The following AGTR1 variants were observed in gnomAD, a reference collection of about 807,000 sequenced individuals.
The protein encoded by AGTR1 is angiotensin II receptor type 1, also known as type-1 angiotensin II receptor.
In AGTR1, 16 loss-of-function variants were observed where a neutral mutation model predicts 19.4. The observed-to-expected ratio is 0.82, with a 90% confidence interval of 0.56 to 1.25. The LOEUF is 1.25. Ranked by LOEUF, AGTR1 falls within the 50% of genes most tolerant of loss-of-function variation. The probability of loss-of-function intolerance (pLI) is 0.00; values close to 1 mark genes in which losing one functional copy is unlikely to be tolerated. For synonymous variants in AGTR1, 153 were observed against 154.9 expected, an observed-to-expected ratio of 0.99 and a Z score of 0.09; for missense variants, 373 against 431.9, an observed-to-expected ratio of 0.86 and a Z score of 1.21.
intron 2 of AGTR1, among the ~76,000 whole-genome samples, chr3:148,724,954 C>CA (rs1414266627): frequency 1.3e-5 from 2 of 152,046 alleles, no homozygotes; most frequent in Admixed American, 6.5e-5. Flanking sequence ...ATTCTGAGTA[C>CA]AAAAAATATT....
chr3:148,734,561 A>T (rs1295505716), intron 2 of AGTR1, among the ~76,000 whole-genome samples: 1 of 152,222 alleles, frequency 6.6e-6, no homozygotes, highest in Non-Finnish European at 1.5e-5. Context: ...GATCTTAAGT[A>T]CTTAATTAGA....
chr3:148,713,535 G>A (rs1308968763), intron 2 of AGTR1, among the ~76,000 whole-genome samples: 1 of 152,136 alleles, frequency 6.6e-6, no homozygotes, highest in Non-Finnish European at 1.5e-5. Context: ...GAGGACCCAA[G>A]AGGAACCATT....
At chr3:148,719,261 T>C (rs1484531641) in intron 2 of AGTR1, among the ~76,000 whole-genome samples, 1 of 151,476 alleles carries the variant, frequency 6.6e-6, no homozygotes, top group Non-Finnish European at 1.5e-5. Flanking sequence ...TAGTTAAAAT[T>C]ATTCAGATGA....
chr3:148,718,618 A>C (rs1308374414), intron 2 of AGTR1, among the ~76,000 whole-genome samples: 1 of 152,216 alleles, frequency 6.6e-6, no homozygotes, highest in African/African-American at 2.4e-5. Context: ...CTCATGCATT[A>C]GTTTATAAAA....
chr3:148,733,076 G>T (rs1489092995), intron 2 of AGTR1, among the ~76,000 whole-genome samples: 1 of 152,058 alleles, frequency 6.6e-6, no homozygotes, highest in Non-Finnish European at 1.5e-5. Context: ...AACTCCCCGA[G>T]GATACAGGGG....
chr3:148,708,444 C>T (rs1712796806), intron 2 of AGTR1, among the ~76,000 whole-genome samples: 1 of 152,116 alleles, frequency 6.6e-6, no homozygotes, highest in Non-Finnish European at 1.5e-5. Flanking sequence ...TGCTCACTTT[C>T]GGAAGTGTTA....
At position 148,742,432 on chromosome 3, in the gene AGTR1, G is replaced by T; in HGVS notation, c.*317G>T. The T allele has an allele frequency of 2.3e-6, 1 of 435,404 alleles. No individual in the cohort carries two copies. Among genetic ancestry groups the T allele is most frequent in the Non-Finnish European group, 4.4e-6 (1 of 225,366 alleles). 27.0% of individuals were successfully genotyped at this position (435,404 alleles called of 1,614,324 possible). A position where few individuals can be genotyped will look rare whatever the true frequency, so the allele number is the denominator to read the frequency against. Reference sequence around the variant, plus strand: ...AATCTCCCTAGCCTGCTTTTGTCCTGTTATTTTTTATTTCCACATAAAGGT... The same window carrying T: ...AATCTCCCTAGCCTGCTTTTGTCCTTTTATTTTTTATTTCCACATAAAGGT... On this transcript the variant is annotated 3_prime_UTR_variant, in exon 3 of 3. Transcript: ENST00000349243.
At chr3:148,731,125 G>A (rs1330815483) in intron 2 of AGTR1, 2 of 152,068 alleles carry the variant, frequency 1.3e-5, no homozygotes, top group African/African-American at 2.4e-5. Flanking sequence ...CTTTTTACAT[G>A]TCAAATGTTT....
At chr3:148,706,420 A>G (rs542777717) in intron 1 of AGTR1, among the ~76,000 whole-genome samples, 2 of 152,148 alleles carry the variant, frequency 1.3e-5, no homozygotes, top group Non-Finnish European at 2.9e-5. Context: ...AAATTAACCT[A>G]TATACAATCT....
At chr3:148,701,979 T>A (rs1394554576) in intron 1 of AGTR1, among the ~76,000 whole-genome samples, 1 of 143,932 alleles carries the variant, frequency 6.9e-6, no homozygotes, top group East Asian at 2.0e-4. Flanking sequence ...TTGTGTACCT[T>A]TTTTTTTTTT....
Position 148,708,786 on chromosome 3 carries a change from C to G in AGTR1, c.-48+759C>G, listed in dbSNP as rs12721316. 6.5e-3 allele frequency among the ~76,000 whole-genome samples: 992 copies of G among 152,314 alleles called. 2 individuals carry two copies. The highest frequency in any genetic ancestry group is 0.011 in the Non-Finnish European group (779 of 68,026). On this transcript the variant is annotated intron_variant, in intron 2 of 2. Transcript: ENST00000349243. The stretch of plus-strand genomic sequence containing the variant: ...TAAGATTTCCCCACGCCCCTCCTTA[C>G]AAAAACTCAGTTCAAAGAACAAGCC...
intron 2 of AGTR1, among the ~76,000 whole-genome samples, chr3:148,719,375 C>T (rs1458981099): frequency 6.6e-6 from 1 of 152,144 alleles, no homozygotes; most frequent in Non-Finnish European, 1.5e-5. Context: ...TCTAAATAAG[C>T]AAAAACTCTC....
rs5189 is a variant in AGTR1, at chr3:148,742,552, G to T, written c.*437G>T. 0.065 allele frequency: 20,450 copies of T among 317,050 alleles called. 902 individuals are homozygous for T. The highest frequency in any genetic ancestry group is 0.14 in the African/African-American group (6,417 of 44,862). The allele number at this position is 317,050 out of a possible 1,614,324, so 19.6% of individuals were successfully genotyped here. ...CAAAGGGCAGTAAAGTTTTCGTGCC[G>T]GTTTTCAGCTATTAGCAACTGTGCT... On this transcript the variant is annotated 3_prime_UTR_variant, in exon 3 of 3. Transcript: ENST00000349243.
chr3:148,704,447 T>C (rs1712553618), intron 1 of AGTR1, among the ~76,000 whole-genome samples: 1 of 152,158 alleles, frequency 6.6e-6, no homozygotes, highest in South Asian at 2.1e-4. Context: ...TACTTTTTGG[T>C]GCTCTCATGC....
intron 2 of AGTR1, among the ~76,000 whole-genome samples, chr3:148,726,296 C>A (rs368617663): frequency 1.3e-5 from 2 of 152,060 alleles, no homozygotes; most frequent in African/African-American, 4.8e-5. Context: ...GCAACTTCCA[C>A]CTCCTGGGTT....
intron 2 of AGTR1, among the ~76,000 whole-genome samples, chr3:148,712,665 T>C (rs1713058645): frequency 1.3e-5 from 2 of 152,178 alleles, no homozygotes; most frequent in Admixed American, 1.3e-4. Flanking sequence ...AGTATCTTCC[T>C]TAACAATGCA....
intron 1 of AGTR1, among the ~76,000 whole-genome samples, chr3:148,705,612 T>G (rs781516301): frequency 3.3e-5 from 5 of 152,110 alleles, no homozygotes; most frequent in Non-Finnish European, 7.4e-5. Flanking sequence ...CCAGAGTGGA[T>G]TTTTGAGAGA....
chr3:148,708,957 C>T (rs1373628117), intron 2 of AGTR1, among the ~76,000 whole-genome samples: 2 of 152,168 alleles, frequency 1.3e-5, no homozygotes, highest in Non-Finnish European at 2.9e-5. Flanking sequence ...TTCTTCTTTG[C>T]TGTAACAGAT....
At chr3:148,732,251 G>A (rs184852386) in intron 2 of AGTR1, among the ~76,000 whole-genome samples, 114 of 152,292 alleles carry the variant, frequency 7.5e-4, no homozygotes, top group African/African-American at 2.5e-3. Context: ...AATAAATAAC[G>A]TAAGGGATGT....
Sources: allele counts gnomAD v4.1 joint callset (sites outside exome capture counted in the v4.1 genomes callset), GRCh38; gene constraint gnomAD v4.1.1; transcripts MANE v1.5; gene names NCBI Gene and HGNC (gene_info 2026-07-23, HGNC 2026-07-21).